FHL3: variants seen among roughly 807,000 people sequenced by gnomAD.
FHL3 encodes the protein four and a half LIM domains protein 3.
FHL3 carries 21 observed loss-of-function variants against 34.3 expected under a neutral mutation model. The ratio of observed to expected loss-of-function variants is 0.61; its 90% CI spans 0.43 to 0.88. FHL3 has a LOEUF of 0.88. Among genes scored for constraint, FHL3 ranks in the 40% least tolerant of loss-of-function variants. The pLI, the probability that FHL3 is intolerant of heterozygous loss-of-function variation, is 0.00. For missense variants in FHL3, 333 were observed against 373.7 expected, an observed-to-expected ratio of 0.89 and a Z score of 0.90; for synonymous variants, 137 against 144.6, an observed-to-expected ratio of 0.95 and a Z score of 0.38.
chr1:38,003,502 T>G (rs1353319866), intron 1 of FHL3, among the ~76,000 whole-genome samples: 2 of 152,096 alleles, frequency 1.3e-5, no homozygotes, highest in African/African-American at 4.8e-5. Flanking sequence ...GTGGGGAAAG[T>G]GGTCGCTTCA....
chr1:37,999,625 G>C (rs1326319937), intron 1 of FHL3, among the ~76,000 whole-genome samples, 193 bp from the exon 2 acceptor site: 1 of 152,172 alleles, frequency 6.6e-6, no homozygotes, highest in Non-Finnish European at 1.5e-5. Flanking sequence ...TATTTAACTC[G>C]GGGTAGGAAG....
At position 37,997,818 on chromosome 1, in the gene FHL3, C is replaced by T; in HGVS notation, c.554G>A (p.Cys185Tyr). 1 of 1,614,086 alleles carries T rather than the reference C, an allele frequency of 6.2e-7. No homozygotes were observed. The highest frequency in any genetic ancestry group is 2.2e-5 in the East Asian group (1 of 44,864). ...CGTCTGGCATCCGGTACAGACCAGA[C>T]ATTCTCGATGCCACGGCTGATCACG... Reference protein sequence around the residue: ...TYRDQPWHRECLVCTGCQTPL... With the variant: ...TYRDQPWHREYLVCTGCQTPL... Residue 185 changes from cysteine (C) to tyrosine (Y), a missense_variant, in exon 5 of 6, where the codon TGT becomes TAT. Cys to Tyr is a radical substitution (Grantham distance 194). Transcript: ENST00000373016. This position sits in a 1 kb window ranked among gnomAD's most constrained non-coding sequence, Gnocchi z 4.3.
At chr1:38,004,792 G>A (rs1431960161) in intron 1 of FHL3, among the ~76,000 whole-genome samples, 1 of 152,178 alleles carries the variant, frequency 6.6e-6, no homozygotes, top group Non-Finnish European at 1.5e-5. Context: ...TCAGCATGAG[G>A]CCAATGACGC....
intron 1 of FHL3, among the ~76,000 whole-genome samples, chr1:38,003,889 C>A (rs568710638): frequency 6.6e-6 from 1 of 152,246 alleles, no homozygotes; most frequent in East Asian, 1.9e-4. Flanking sequence ...AGCTGCTAGC[C>A]CTGTGATTGG....
At chr1:38,003,570 G>A (rs895252714) in intron 1 of FHL3, among the ~76,000 whole-genome samples, 1 of 152,176 alleles carries the variant, frequency 6.6e-6, no homozygotes, top group African/African-American at 2.4e-5. Flanking sequence ...GCAGGTCCAC[G>A]GATGTAGACA....
Position 37,997,377 on chromosome 1 carries a change from G to A in FHL3, c.*28C>T, listed in dbSNP as rs746883963. On this transcript the variant is annotated 3_prime_UTR_variant, in exon 6 of 6. Coordinates refer to ENST00000373016, the MANE Select transcript of FHL3 (RefSeq NM_004468.5). This position sits in a 1 kb window ranked among gnomAD's most constrained non-coding sequence, Gnocchi z 4.3. Reference sequence around the variant, plus strand: ...AGCCACAGTCCTGGGCCCGTGGTATGGGAAAGCCTGGGTCCAGGAGCCCTG... The same window carrying A: ...AGCCACAGTCCTGGGCCCGTGGTATAGGAAAGCCTGGGTCCAGGAGCCCTG... The A allele has an allele frequency of 5.6e-6, 9 of 1,595,186 alleles. No individual in the cohort carries two copies. The highest frequency in any genetic ancestry group is 7.6e-6 in the Non-Finnish European group (9 of 1,176,688).
Position 38,003,963 on chromosome 1 carries a change from A to G in FHL3, c.-21+1394T>C, listed in dbSNP as rs1646619532. On this transcript the variant is annotated intron_variant, in intron 1 of 5. Coordinates refer to ENST00000373016, the MANE Select transcript of FHL3 (RefSeq NM_004468.5). ...ATTCAATCCTTCTGCCCCCACCCCCAACATGCCCACTGTCCAGGAGGACCC... is the reference window on the plus strand; with the variant it reads ...ATTCAATCCTTCTGCCCCCACCCCCGACATGCCCACTGTCCAGGAGGACCC... Among the ~76,000 whole-genome samples, 3 of 151,258 alleles carry G rather than the reference A, an allele frequency of 2.0e-5. No homozygotes were observed. In the South Asian group the frequency reaches 6.3e-4, roughly 32 times the overall value.
intron 1 of FHL3, among the ~76,000 whole-genome samples, chr1:38,004,892 C>T (rs1557765175): frequency 6.6e-6 from 1 of 152,070 alleles, no homozygotes; most frequent in East Asian, 1.9e-4. Flanking sequence ...GAAAATGCTC[C>T]ACAAAGCCTA....
In FHL3 at chr1:37,997,518, A is replaced by G; in HGVS notation, c.730T>C (p.Trp244Arg). The stretch of plus-strand genomic sequence containing the variant: ...GCGCAGGAGAAGCAGTTGTGGTGCC[A>G]GTGTCGGTCTTCAAAGGACACATAC... ...GKYVSFEDRH[W>R]HHNCFSCARC... is the part of the protein sequence containing the mutation. Residue 244 changes from tryptophan to arginine, a missense_variant, in exon 6 of 6, where the codon TGG becomes CGG. Coordinates refer to ENST00000373016, the MANE Select transcript of FHL3 (RefSeq NM_004468.5). The surrounding 1 kb of genome is among the most constrained non-coding windows in gnomAD (Gnocchi z 4.3). 1 of 1,612,990 alleles carries G rather than the reference A, an allele frequency of 6.2e-7. No homozygotes were observed. Among genetic ancestry groups the G allele is most frequent in the Non-Finnish European group, 8.5e-7 (1 of 1,179,606 alleles).
At chr1:38,002,474 T>G (rs187501148) in intron 1 of FHL3, among the ~76,000 whole-genome samples, 1 of 151,682 alleles carries the variant, frequency 6.6e-6, no homozygotes, top group African/African-American at 2.4e-5. Flanking sequence ...GCTCAAGCTA[T>G]CCTCTTGCCT....
Position 37,997,368 on chromosome 1 carries a change from C to A in FHL3, c.*37G>T, listed in dbSNP as rs756971502. On this transcript the variant is annotated 3_prime_UTR_variant, in exon 6 of 6. Coordinates refer to ENST00000373016, the MANE Select transcript of FHL3 (RefSeq NM_004468.5). This position sits in a 1 kb window ranked among gnomAD's most constrained non-coding sequence, Gnocchi z 4.3. The stretch of plus-strand genomic sequence containing the variant: ...TAGAAAAGGAGCCACAGTCCTGGGC[C>A]CGTGGTATGGGAAAGCCTGGGTCCA... The A allele has an allele frequency of 6.2e-7, 1 of 1,601,190 alleles. No homozygotes were observed. The highest frequency in any genetic ancestry group is 8.5e-7 in the Non-Finnish European group (1 of 1,175,046).
chr1:37,997,497 A>G lies in FHL3; in HGVS notation c.751T>C (p.Cys251Arg). Residue 251 changes from cysteine to arginine, a missense_variant, in exon 6 of 6, where the codon TGC (cysteine) becomes CGC (arginine). Coordinates refer to ENST00000373016, the MANE Select transcript of FHL3 (RefSeq NM_004468.5). This position sits in a 1 kb window ranked among gnomAD's most constrained non-coding sequence, Gnocchi z 4.3. The stretch of plus-strand genomic sequence containing the variant: ...ACCAGGGAGGTAGAGCAGCGGGCGC[A>G]GGAGAAGCAGTTGTGGTGCCAGTGT... ...DRHWHHNCFS[C>R]ARCSTSLVGQ... 1.9e-6 allele frequency: 3 copies of G among 1,614,008 alleles called. No individual in the cohort carries two copies. Among genetic ancestry groups the G allele is most frequent in the Non-Finnish European group, 2.5e-6 (3 of 1,179,966 alleles).
At chr1:38,003,764 C>G (rs1346191397) in intron 1 of FHL3, among the ~76,000 whole-genome samples, 1 of 152,174 alleles carries the variant, frequency 6.6e-6, no homozygotes, top group Non-Finnish European at 1.5e-5. Context: ...CAGCCCAGAG[C>G]TCTTCCCTCT....
At chr1:37,999,568 G>A (rs1570484002) in intron 1 of FHL3, 136 bp from the exon 2 acceptor site, 3 of 753,518 alleles carry the variant, frequency 4.0e-6, no homozygotes, top group Admixed American at 2.9e-5. Context: ...GTGGGGATGG[G>A]GAAGGGGTGC....
intron 1 of FHL3, among the ~76,000 whole-genome samples, chr1:37,999,747 G>A (rs1002609221): frequency 3.3e-5 from 5 of 152,210 alleles, no homozygotes; most frequent in East Asian, 1.9e-4. Flanking sequence ...CCCAGCCAGC[G>A]TCTAGCCTCC....
chr1:37,997,024 T>C lies in FHL3; in HGVS notation c.*381A>G, dbSNP rs944670179. 8 of 183,336 alleles carry C rather than the reference T, an allele frequency of 4.4e-5. No individual in the cohort carries two copies. Among genetic ancestry groups the C allele is most frequent in the Non-Finnish European group, 6.9e-5 (6 of 86,926 alleles). 11.4% of individuals were successfully genotyped at this position (183,336 alleles called of 1,614,324 possible). ...CTTTCAAGGACTTCCCAGGCACCCA[T>C]AGGAGACCTGAAACCTATAAAGAGA... On this transcript the variant is annotated 3_prime_UTR_variant, in exon 6 of 6. Transcript: ENST00000373016. The surrounding 1 kb of genome is among the most constrained non-coding windows in gnomAD (Gnocchi z 4.3).
chr1:37,999,251 C>T lies in FHL3; in HGVS notation c.156+6G>A, dbSNP rs527473371. 1 of 1,614,228 alleles carries T rather than the reference C, an allele frequency of 6.2e-7. No homozygotes were observed. Among genetic ancestry groups the T allele is most frequent in the South Asian group, 1.1e-5 (1 of 91,080 alleles). ...CACCTCCTGCCTGGCCTGGCCCTCT[C>T]CTTACCCTCGAGTCATGCCCGATAA... On this transcript the variant is annotated splice_donor_region_variant and intron_variant, in intron 2 of 5. Transcript: ENST00000373016.
chr1:38,000,956 C>T (rs1387748789), intron 1 of FHL3, among the ~76,000 whole-genome samples: 1 of 152,192 alleles, frequency 6.6e-6, no homozygotes, highest in East Asian at 1.9e-4. Context: ...AGGGCCTGCC[C>T]TGGCTCAAGC....
chr1:38,001,968 T>G (rs1285476240), intron 1 of FHL3, among the ~76,000 whole-genome samples: 1 of 152,200 alleles, frequency 6.6e-6, no homozygotes, highest in East Asian at 1.9e-4. Context: ...GTGATGATAC[T>G]TGTAAAGCAC....
Sources: gnomAD v4.1 joint callset for allele counts (sites outside exome capture counted in the v4.1 genomes callset) on GRCh38, gnomAD v4.1.1 for gene constraint, Gnocchi (gnomAD v3.1) non-coding constraint, MANE v1.5 for transcripts, NCBI Gene and HGNC (gene_info 2026-07-23, HGNC 2026-07-21) for gene names.